The following THNSL1 variants were observed in gnomAD, a reference collection of about 807,000 sequenced individuals.
The protein encoded by THNSL1 is threonine synthase like 1, also known as threonine synthase-like 1.
Under a neutral mutation model 50.4 loss-of-function variants are expected in THNSL1, and 48 were observed. That is an observed-to-expected ratio of 0.95 (90% confidence interval 0.76 to 1.21). The LOEUF is 1.21. Among genes scored for constraint, THNSL1 ranks in the 50% most tolerant of loss-of-function variants. THNSL1 has a pLI of 0.00. For missense variants in THNSL1, 896 were observed against 871.7 expected (o/e 1.03, Z -0.35); for synonymous variants, 309 against 306.1 (o/e 1.01, Z -0.10).
At chr10:24,967,250 C>G in the THNSL1 span, among the ~76,000 whole-genome samples, 1 of 151,712 alleles carries the variant, frequency 6.6e-6, no homozygotes, top group Admixed American at 6.6e-5. Context: ...GTGGCAGAGA[C>G]AGATCCAGCT....
At chr10:25,010,243 C>A in the THNSL1 span, among the ~76,000 whole-genome samples, 1,134 of 152,226 alleles carry the variant, frequency 7.4e-3, 18 homozygotes, top group African/African-American at 0.025. Flanking sequence ...GTGACTCTTG[C>A]TATGTTTTAG....
chr10:25,023,605 G>C lies in THNSL1; in HGVS notation c.382G>C (p.Val128Leu), dbSNP rs746532934. 6.2e-7 allele frequency: 1 copy of C among 1,614,130 alleles called. No individual in the cohort carries two copies. The highest frequency in any genetic ancestry group is 8.5e-7 in the Non-Finnish European group (1 of 1,180,004). ...GTTAAACTTCTCTGCATCTGGAAGT[G>C]TGATTTCCCTTACTGGGTCCAATCC... ...AVLNFSASGS[V>L]ISLTGSNPMH... Residue 128 changes from valine to leucine, a missense_variant, in exon 3 of 3, where the codon GTG (valine) becomes CTG (leucine). Val to Leu is a conservative substitution (Grantham distance 32, BLOSUM62 1). Coordinates refer to ENST00000376356, the MANE Select transcript of THNSL1 (RefSeq NM_024838.5).
the THNSL1 span, among the ~76,000 whole-genome samples, chr10:24,976,374 T>C: frequency 0.52 from 78,695 of 152,062 alleles, 22,726 homozygotes; most frequent in African/African-American, 0.79. Flanking sequence ...AATGCAGACC[T>C]CACCACTGGG....
At chr10:24,957,578 T>C in the THNSL1 span, among the ~76,000 whole-genome samples, 4 of 152,162 alleles carry the variant, frequency 2.6e-5, no homozygotes, top group Admixed American at 2.6e-4. Flanking sequence ...CATCTCAGAT[T>C]CAGGTGATTG....
upstream of THNSL1, among the ~76,000 whole-genome samples, chr10:25,013,102 A>G (rs1281020109): frequency 6.6e-6 from 1 of 152,178 alleles, no homozygotes; most frequent in Non-Finnish European, 1.5e-5. Flanking sequence ...CCACCATGTA[A>G]GATGTGACTT....
chr10:24,958,806 G>A, the THNSL1 span, among the ~76,000 whole-genome samples: 1 of 152,148 alleles, frequency 6.6e-6, no homozygotes, highest in Admixed American at 6.5e-5. Context: ...AGTAAGCGCT[G>A]GGCAGTTTCA....
At chr10:25,007,584 G>C in the THNSL1 span, among the ~76,000 whole-genome samples, 1 of 151,992 alleles carries the variant, frequency 6.6e-6, no homozygotes, top group African/African-American at 2.4e-5. Flanking sequence ...ACAGGCGCCC[G>C]CCACCACACC....
the THNSL1 span, among the ~76,000 whole-genome samples, chr10:25,008,630 T>C: frequency 6.6e-6 from 1 of 152,206 alleles, no homozygotes; most frequent in Non-Finnish European, 1.5e-5. Flanking sequence ...CAAAAACTAA[T>C]GCTGTTCACT....
At chr10:25,020,291 A>G (rs1850694053) in intron 1 of THNSL1, among the ~76,000 whole-genome samples, 1 of 104,894 alleles carries the variant, frequency 9.5e-6, no homozygotes, top group Admixed American at 1.0e-4. Flanking sequence ...TATCTACCCC[A>G]AAGTCTTGAA....
chr10:24,993,822 A>G, the THNSL1 span, among the ~76,000 whole-genome samples: 3 of 152,208 alleles, frequency 2.0e-5, no homozygotes, highest in Admixed American at 2.0e-4. Context: ...ATTCAAGTGG[A>G]CAGCTTAGAG....
chr10:25,001,873 T>C, the THNSL1 span, among the ~76,000 whole-genome samples: 4 of 152,228 alleles, frequency 2.6e-5, no homozygotes, highest in African/African-American at 9.6e-5. Context: ...CTCTTGGTTA[T>C]GCATTATATT....
chr10:24,984,379 G>T, the THNSL1 span: 1 of 1,423,582 alleles, frequency 7.0e-7, no homozygotes, highest in African/African-American at 1.8e-5. Context: ...ATCATGCGCT[G>T]CAGAAAAAAA....
At chr10:24,985,808 C>G in the THNSL1 span, among the ~76,000 whole-genome samples, 27 of 152,266 alleles carry the variant, frequency 1.8e-4, no homozygotes, top group African/African-American at 6.5e-4. Context: ...AAAAGCAAAA[C>G]AGAAAGTGCA....
In THNSL1 at chr10:25,024,573, T is replaced by C; in HGVS notation, c.1350T>C (p.Asp450=). 6.2e-7 allele frequency: 1 copy of C among 1,614,168 alleles called. No individual in the cohort carries two copies. The highest frequency in any genetic ancestry group is 8.5e-7 in the Non-Finnish European group (1 of 1,180,016). The change falls in exon 3 of 3, where the codon GAT becomes GAC. Residue 450 remains aspartate (D), a synonymous_variant. Transcript: ENST00000376356. ...CQTAIKRIFN[D]SDFTGFLTVE... is the part of the protein sequence containing the mutation. ...CAGCTATAAAAAGAATTTTTAATGATTCTGATTTTACTGGCTTTCTTACTG... is the reference window on the plus strand; with the variant it reads ...CAGCTATAAAAAGAATTTTTAATGACTCTGATTTTACTGGCTTTCTTACTG...
the THNSL1 span, among the ~76,000 whole-genome samples, chr10:24,998,896 T>G: frequency 2.0e-5 from 3 of 151,974 alleles, no homozygotes; most frequent in African/African-American, 7.3e-5. Flanking sequence ...ATTCATGAAG[T>G]CTCCTCCATT....
the THNSL1 span, among the ~76,000 whole-genome samples, chr10:24,997,696 C>T: frequency 6.6e-6 from 1 of 151,874 alleles, no homozygotes; most frequent in Admixed American, 6.6e-5. Context: ...GCCCTAATAC[C>T]CTGAATTGAT....
the THNSL1 span, among the ~76,000 whole-genome samples, chr10:24,957,344 TG>T: frequency 3.7e-4 from 56 of 152,362 alleles, no homozygotes; most frequent in African/African-American, 1.1e-3. Flanking sequence ...TCATTCTTTT[TG>T]TTGAGGTCTT....
upstream of THNSL1, chr10:25,015,811 AGT>A: frequency 6.6e-7 from 1 of 1,517,780 alleles, no homozygotes; most frequent in Non-Finnish European, 8.9e-7. Flanking sequence ...ATTAATACTG[AGT>A]ATTCCCCATT....
chr10:24,982,506 T>C, the THNSL1 span: 1 of 152,222 alleles, frequency 6.6e-6, no homozygotes, highest in Non-Finnish European at 1.5e-5. Context: ...ATAATGAAGT[T>C]TGACTTTTTA....
Sources: gnomAD v4.1 joint callset for allele counts (sites outside exome capture counted in the v4.1 genomes callset) on GRCh38, gnomAD v4.1.1 for gene constraint, MANE v1.5 for transcripts, NCBI Gene and HGNC (gene_info 2026-07-23, HGNC 2026-07-21) for gene names.